PRKCH: variants seen among roughly 807,000 people sequenced by gnomAD.
PRKCH encodes protein kinase C eta.
A neutral mutation model predicts 82.5 loss-of-function variants in PRKCH; 28 were observed. The ratio of observed to expected loss-of-function variants is 0.34; its 90% CI spans 0.25 to 0.47. The LOEUF is 0.47. Among genes scored for constraint, PRKCH ranks in the 20% least tolerant of loss-of-function variants. The pLI, the probability that PRKCH is intolerant of heterozygous loss-of-function variation, is 1.00. For missense variants in PRKCH, 705 were observed against 881.8 expected, an observed-to-expected ratio of 0.80 and a Z score of 2.54; for synonymous variants, 322 against 327.4, an observed-to-expected ratio of 0.98 and a Z score of 0.18.
intron 2 of PRKCH, among the ~76,000 whole-genome samples, chr14:61,402,227 C>A (rs920313657): frequency 2.6e-5 from 4 of 152,114 alleles, no homozygotes; most frequent in Non-Finnish European, 1.5e-5. Context: ...GTTATAAAAT[C>A]ATTTATGGGT....
chr14:61,496,343 A>C (rs1411887356), intron 10 of PRKCH, among the ~76,000 whole-genome samples: 2 of 152,210 alleles, frequency 1.3e-5, no homozygotes, highest in Admixed American at 6.5e-5. Context: ...GACTTGTTCA[A>C]GGTCACACAG....
chr14:61,412,906 A>G (rs1295978463), intron 2 of PRKCH, among the ~76,000 whole-genome samples: 1 of 152,212 alleles, frequency 6.6e-6, no homozygotes, highest in Non-Finnish European at 1.5e-5. Context: ...CTCTTCCTAC[A>G]GAAGCTACAC....
At chr14:61,307,882 G>A (rs964681144) in intron 1 of PRKCH, among the ~76,000 whole-genome samples, 3 of 152,176 alleles carry the variant, frequency 2.0e-5, no homozygotes, top group Non-Finnish European at 2.9e-5. Flanking sequence ...TGTCACGCAG[G>A]CTGGAATGCA....
intron 1 of PRKCH, among the ~76,000 whole-genome samples, chr14:61,352,948 C>T (rs915748208): frequency 6.6e-6 from 1 of 152,138 alleles, no homozygotes; most frequent in Non-Finnish European, 1.5e-5. Context: ...TATTAAATAA[C>T]ACCTCCAGTG....
At chr14:61,507,507 G>T (rs900458493) in intron 10 of PRKCH, among the ~76,000 whole-genome samples, 1 of 152,106 alleles carries the variant, frequency 6.6e-6, no homozygotes, top group South Asian at 2.1e-4. Context: ...CGTTATTCAC[G>T]ATAGTCAAAA....
intron 1 of PRKCH, among the ~76,000 whole-genome samples, chr14:61,333,852 A>C (rs755376410): frequency 3.3e-5 from 5 of 152,132 alleles, no homozygotes; most frequent in Non-Finnish European, 7.4e-5. Context: ...TGCAGTGGGC[A>C]TTATGGTGTT....
intron 2 of PRKCH, among the ~76,000 whole-genome samples, chr14:61,424,831 C>T (rs529203279): frequency 6.6e-6 from 1 of 152,358 alleles, no homozygotes; most frequent in East Asian, 1.9e-4. Flanking sequence ...GTTTCATGGA[C>T]TGGGCCCAGG....
chr14:61,362,679 C>T (rs2046245094), intron 1 of PRKCH, among the ~76,000 whole-genome samples: 1 of 152,180 alleles, frequency 6.6e-6, no homozygotes, highest in Non-Finnish European at 1.5e-5. Context: ...ATGAAGGTTC[C>T]CTTTTCCCTA....
At chr14:61,516,806 G>T (rs1392390478) in intron 10 of PRKCH, among the ~76,000 whole-genome samples, 1 of 152,128 alleles carries the variant, frequency 6.6e-6, no homozygotes, top group East Asian at 1.9e-4. Flanking sequence ...GATAATATGA[G>T]AAATATTCCA....
chr14:61,316,933 G>A (rs367730465), upstream of PRKCH, among the ~76,000 whole-genome samples: 4 of 152,290 alleles, frequency 2.6e-5, no homozygotes, highest in South Asian at 4.1e-4. Context: ...AAAACCAACA[G>A]GTGATGAGAG....
chr14:61,456,272 T>C (rs936203099), intron 7 of PRKCH, among the ~76,000 whole-genome samples: 1 of 152,200 alleles, frequency 6.6e-6, no homozygotes, highest in African/African-American at 2.4e-5. Context: ...AGAGCTGTTA[T>C]TGAATCCAGG....
intron 2 of PRKCH, among the ~76,000 whole-genome samples, chr14:61,410,256 T>G (rs1175984720): frequency 6.6e-6 from 1 of 152,258 alleles, no homozygotes; most frequent in Non-Finnish European, 1.5e-5. Context: ...TAAATCCACT[T>G]TAAATCTAGT....
chr14:61,285,107 C>G (rs77603721), intron 1 of PRKCH, among the ~76,000 whole-genome samples: 1 of 152,128 alleles, frequency 6.6e-6, no homozygotes, highest in African/African-American at 2.4e-5. Flanking sequence ...AACTATGTGT[C>G]TCCCTTTCCC....
At chr14:61,235,785 A>G (rs1386359535) in intron 1 of PRKCH, among the ~76,000 whole-genome samples, 2 of 152,240 alleles carry the variant, frequency 1.3e-5, no homozygotes, top group Non-Finnish European at 2.9e-5. Flanking sequence ...GCAGCCCCAG[A>G]ATGAGATTAG....
At chr14:61,537,149 T>A (rs184630754) in intron 12 of PRKCH, among the ~76,000 whole-genome samples, 1 of 152,338 alleles carries the variant, frequency 6.6e-6, no homozygotes, top group Non-Finnish European at 1.5e-5. Context: ...TTGCTTCCCC[T>A]TCTGTCTTTC....
intron 1 of PRKCH, among the ~76,000 whole-genome samples, chr14:61,239,892 C>T (rs1205416168): frequency 6.6e-6 from 1 of 152,208 alleles, no homozygotes; most frequent in African/African-American, 2.4e-5. Context: ...TCTGACCCAG[C>T]ACTGTCTTTT....
intron 1 of PRKCH, among the ~76,000 whole-genome samples, chr14:61,327,560 C>T (rs1412593713): frequency 2.6e-5 from 4 of 152,236 alleles, no homozygotes; most frequent in Non-Finnish European, 4.4e-5. Flanking sequence ...TGCTTCTCAT[C>T]ACAAACAGGT....
At chr14:61,272,038 A>G (rs2045158132) in intron 1 of PRKCH, among the ~76,000 whole-genome samples, 1 of 152,070 alleles carries the variant, frequency 6.6e-6, no homozygotes, top group African/African-American at 2.4e-5. Flanking sequence ...ATCCTGGTTA[A>G]CACGGTGAAA....
intron 1 of PRKCH, among the ~76,000 whole-genome samples, chr14:61,220,016 G>A (rs1180686496): frequency 6.6e-6 from 1 of 152,210 alleles, no homozygotes; most frequent in Non-Finnish European, 1.5e-5. Flanking sequence ...ACTAAAGAAT[G>A]CATTGGTGTA....
Sources: gnomAD v4.1 joint callset for allele counts (sites outside exome capture counted in the v4.1 genomes callset) on GRCh38, gnomAD v4.1.1 for gene constraint, MANE v1.5 for transcripts, NCBI Gene and HGNC (gene_info 2026-07-23, HGNC 2026-07-21) for gene names.